KNDC1: variants seen among roughly 807,000 people sequenced by gnomAD.
KNDC1 encodes kinase non-catalytic C-lobe domain-containing protein 1.
KNDC1 carries 106 observed loss-of-function variants against 172.8 expected under a neutral mutation model. That is an observed-to-expected ratio of 0.61 (90% confidence interval 0.52 to 0.72). The LOEUF is 0.72. Among genes scored for constraint, KNDC1 ranks in the 30% least tolerant of loss-of-function variants. The pLI, the probability that KNDC1 is intolerant of heterozygous loss-of-function variation, is 0.00. For synonymous variants in KNDC1, 1,083 were observed against 1,062.2 expected (o/e 1.02, Z -0.38); for missense variants, 2,325 against 2,394.5 (o/e 0.97, Z 0.61).
intron 20 of KNDC1, 60 bp downstream of exon 20, chr10:133,207,411 G>T (rs529946793): frequency 2.3e-5 from 34 of 1,492,518 alleles, no homozygotes; most frequent in East Asian, 4.6e-5. Context: ...CTGAGAAGAG[G>T]GGGGGAACGT....
rs530356154 is a variant in KNDC1, at chr10:133,209,440, G to A, written c.3795-1171G>A. Among the ~76,000 whole-genome samples the A allele has an allele frequency of 4.6e-5, 7 of 150,650 alleles. No homozygotes were observed. The highest frequency in any genetic ancestry group is 2.0e-4 in the Admixed American group (3 of 15,118). On this transcript the variant is annotated intron_variant, in intron 20 of 29. Coordinates refer to ENST00000304613, the MANE Select transcript of KNDC1 (RefSeq NM_152643.8). This position sits in a 1 kb window ranked among gnomAD's most constrained non-coding sequence, Gnocchi z 4.9. ...TGGCGGGTATAGTGTGTGTGTGCAC[G>A]TATGTGTGGTGTGGGGTATAGTGTG...
chr10:133,197,745 C>T lies in KNDC1; in HGVS notation c.1883C>T (p.Ala628Val). The T allele has an allele frequency of 6.2e-7, 1 of 1,612,612 alleles. No individual in the cohort carries two copies. The highest frequency in any genetic ancestry group is 8.5e-7 in the Non-Finnish European group (1 of 1,179,840). Residue 628 changes from alanine (A) to valine (V), a missense_variant, in exon 12 of 30, where the codon GCA (alanine) becomes GTA (valine). Physicochemically the swap from Ala to Val is moderately conservative, Grantham distance 64. Coordinates refer to ENST00000304613, the MANE Select transcript of KNDC1 (RefSeq NM_152643.8). Reference sequence around the variant, plus strand: ...GTGGTTGAACTGAAGCCCAGTGTGGCACCAGCCCCAGAGCCCAGCCCAGGT... The same window carrying T: ...GTGGTTGAACTGAAGCCCAGTGTGGTACCAGCCCCAGAGCCCAGCCCAGGT... The part of the protein sequence containing the change: ...FSVVELKPSV[A>V]PAPEPSPGFL...
At chr10:133,173,669 G>A (rs942662743) in intron 3 of KNDC1, among the ~76,000 whole-genome samples, 4 of 152,216 alleles carry the variant, frequency 2.6e-5, no homozygotes, top group African/African-American at 9.6e-5. Flanking sequence ...GCACCCAGAT[G>A]GATGGCAGCA....
In KNDC1 at chr10:133,184,176, GCA is replaced by G. The variant is rs551669375; in HGVS notation, c.625+197_625+198del. ...GCACACACACTGCACACACACCTAT[GCA>G]CACACACACCTATGCACATGCACAC... On this transcript the variant is annotated intron_variant, in intron 5 of 29. Coordinates refer to ENST00000304613, the MANE Select transcript of KNDC1 (RefSeq NM_152643.8). Among the ~76,000 whole-genome samples, 464 of 120,732 alleles carry G rather than the reference GCA, an allele frequency of 3.8e-3. 4 individuals are homozygous for G. The highest frequency in any genetic ancestry group is 0.016 in the African/African-American group (416 of 26,336). 79.2% of individuals were successfully genotyped at this position (120,732 alleles called of 152,430 possible).
intron 3 of KNDC1, among the ~76,000 whole-genome samples, chr10:133,170,699 C>T (rs992363655): frequency 6.6e-6 from 1 of 152,198 alleles, no homozygotes; most frequent in Non-Finnish European, 1.5e-5. Context: ...GAATATTTTT[C>T]TTTCCAAAAT....
chr10:133,218,997 G>T, intron 27 of KNDC1, 34 bp from the exon 28 acceptor site: 2 of 1,613,770 alleles, frequency 1.2e-6, no homozygotes, highest in Non-Finnish European at 1.7e-6. Context: ...GTACCCGCAC[G>T]GCCGCAGGAG....
intron 3 of KNDC1, among the ~76,000 whole-genome samples, chr10:133,170,974 T>G (rs957020974): frequency 6.6e-6 from 1 of 152,242 alleles, no homozygotes; most frequent in East Asian, 1.9e-4. Flanking sequence ...AGAGAAAAGC[T>G]GGCCGACGGT....
At chr10:133,188,503 G>A in intron 6 of KNDC1, 36 bp from the exon 7 acceptor site, 10 of 1,383,212 alleles carry the variant, frequency 7.2e-6, no homozygotes, top group South Asian at 2.5e-5. Context: ...CTGGCAAGGG[G>A]TGTCCACACT....
At chr10:133,210,785 A>C in intron 21 of KNDC1, 61 bp downstream of exon 21, 1 of 1,368,160 alleles carries the variant, frequency 7.3e-7, no homozygotes, top group Non-Finnish European at 1.0e-6. Context: ...GTGGGCGCCC[A>C]TGGGCCTGGT....
chr10:133,165,568 G>A (rs560992098), intron 1 of KNDC1, among the ~76,000 whole-genome samples: 1 of 152,340 alleles, frequency 6.6e-6, no homozygotes, highest in South Asian at 2.1e-4. Flanking sequence ...CTGACTTACC[G>A]CTTGGTGCAC....
At chr10:133,198,289 G>C in intron 12 of KNDC1, 48 bp from the exon 13 acceptor site, 1 of 1,499,330 alleles carries the variant, frequency 6.7e-7, no homozygotes, top group African/African-American at 1.4e-5. Flanking sequence ...TGCGGCACGT[G>C]CTGGGGCCAC....
Position 133,206,899 on chromosome 10 carries a change from A to T in KNDC1, c.3525A>T (p.Leu1175=). 3 of 1,614,152 alleles carry T rather than the reference A, an allele frequency of 1.9e-6. No homozygotes were observed. The highest frequency in any genetic ancestry group is 2.5e-6 in the Non-Finnish European group (3 of 1,180,016). The change falls in exon 19 of 30, where the codon CTA becomes CTT. Residue 1175 remains leucine (L), a synonymous_variant. Transcript: ENST00000304613. ...TGCTGTCCAAGCTGAAAGGGCAGCT[A>T]GAAGAAATGAAATCCAGGGTGCAAT... ...KTMLSKLKGQ[L]EEMKSRVQFL...
In KNDC1 at chr10:133,189,516, G is replaced by A. The variant is rs1242225495; in HGVS notation, c.1442-82G>A. 9 of 1,361,012 alleles carry A rather than the reference G, an allele frequency of 6.6e-6. No homozygotes were observed. The African/African-American group carries it at 7.2e-5, about 11-fold the overall frequency. 84.3% of individuals were successfully genotyped at this position (1,361,012 alleles called of 1,614,324 possible). A position where few individuals can be genotyped will look rare whatever the true frequency, so the allele number is the denominator to read the frequency against. On this transcript the variant is annotated intron_variant, in intron 7 of 29. Transcript: ENST00000304613. Reference sequence around the variant, plus strand: ...GGCTGGGGGGCTGCCCGGCCTGACTGAGGCTCCGCAGCTCCTTCCCCCCAG... The same window carrying A: ...GGCTGGGGGGCTGCCCGGCCTGACTAAGGCTCCGCAGCTCCTTCCCCCCAG...
intron 5 of KNDC1, among the ~76,000 whole-genome samples, chr10:133,184,896 C>T (rs147420211): frequency 2.2e-3 from 329 of 152,402 alleles, no homozygotes; most frequent in Middle Eastern, 6.8e-3. Flanking sequence ...CTGCCCCCAC[C>T]AGGAGCGCCA....
rs1027819036 is a variant in KNDC1, at chr10:133,204,533, G to T, written c.3388-2152G>T. ...ACTGCCCACACTGCCGTAGCGGGGA[G>T]CCTGGCCCTCCGTGGCACCGCCACG... is the stretch of plus-strand genomic sequence containing the variant. On this transcript the variant is annotated intron_variant, in intron 17 of 29. Coordinates refer to ENST00000304613, the MANE Select transcript of KNDC1 (RefSeq NM_152643.8). Among the ~76,000 whole-genome samples, 15 of 152,224 alleles carry T rather than the reference G, an allele frequency of 9.9e-5. 1 individual carries two copies. Among genetic ancestry groups the T allele is most frequent in the Non-Finnish European group, 2.9e-5 (2 of 68,042 alleles).
chr10:133,179,738 C>A (rs1245678544), intron 3 of KNDC1, among the ~76,000 whole-genome samples: 1 of 152,210 alleles, frequency 6.6e-6, no homozygotes, highest in Non-Finnish European at 1.5e-5. Context: ...TCGCAGGCGC[C>A]GTGGGAGCTG....
At chr10:133,191,457 T>C (rs988524532) in intron 9 of KNDC1, among the ~76,000 whole-genome samples, 2 of 152,022 alleles carry the variant, frequency 1.3e-5, no homozygotes, top group African/African-American at 4.8e-5. Flanking sequence ...CCCAGCACTT[T>C]GGGAGGCCAA....
In KNDC1 at chr10:133,183,363, G is replaced by C; in HGVS notation, c.380G>C (p.Gly127Ala). The change falls in exon 4 of 30, where the codon GGG becomes GCG. Residue 127 changes from glycine to alanine, a missense_variant. Transcript: ENST00000304613. Reference protein sequence around the residue: ...NTFEAHIYSLGATLKAALEYV... With the variant: ...NTFEAHIYSLAATLKAALEYV... The stretch of plus-strand genomic sequence containing the variant: ...CCACAGGCGCACATCTACTCTCTGG[G>C]GGCCACGCTGAAGGCCGCCCTCGAG... The C allele has an allele frequency of 6.3e-7, 1 of 1,596,928 alleles. No individual in the cohort carries two copies. Among genetic ancestry groups the C allele is most frequent in the Non-Finnish European group, 8.5e-7 (1 of 1,173,464 alleles).
chr10:133,177,753 T>C (rs1230919396), intron 3 of KNDC1, among the ~76,000 whole-genome samples: 3 of 152,100 alleles, frequency 2.0e-5, no homozygotes, highest in Non-Finnish European at 4.4e-5. Flanking sequence ...TTGCATGGTG[T>C]GCATACATGT....
Sources: gnomAD v4.1 joint callset for allele counts (sites outside exome capture counted in the v4.1 genomes callset) on GRCh38, gnomAD v4.1.1 for gene constraint, Gnocchi (gnomAD v3.1) non-coding constraint, MANE v1.5 for transcripts, NCBI Gene and HGNC (gene_info 2026-07-23, HGNC 2026-07-21) for gene names.